SOX5: variants seen among roughly 807,000 people sequenced by gnomAD.
The protein encoded by SOX5 is transcription factor SOX-5.
In SOX5, 9 loss-of-function variants were observed where a neutral mutation model predicts 92.0. The observed-to-expected ratio is 0.10, with a 90% CI of 0.06 to 0.17. SOX5 has a LOEUF of 0.17. Among genes scored for constraint, SOX5 ranks in the 10% least tolerant of loss-of-function variants. The pLI is 1.00. For synonymous variants in SOX5, 344 were observed against 336.3 expected (o/e 1.02, Z -0.25); for missense variants, 642 against 944.5 (o/e 0.68, Z 4.20).
At chr12:23,860,952 TAAAAAAA>T (rs71059935) in intron 2 of SOX5, among the ~76,000 whole-genome samples, 33 of 45,948 alleles carry the variant, frequency 7.2e-4, no homozygotes, top group African/African-American at 2.2e-3. Context: ...GTATATTTTG[TAAAAAAA>T]AAAAAAAAAA....
At chr12:24,043,834 A>G (rs1271290536) in intron 4 of SOX5, among the ~76,000 whole-genome samples, 1 of 152,150 alleles carries the variant, frequency 6.6e-6, no homozygotes, top group Non-Finnish European at 1.5e-5. Context: ...TATAATTTTT[A>G]CTTTCTTGGG....
At chr12:24,106,200 A>C (rs111582371) in intron 4 of SOX5, among the ~76,000 whole-genome samples, 1,896 of 152,184 alleles carry the variant, frequency 0.012, 28 homozygotes, top group African/African-American at 0.042. Flanking sequence ...GAAAAAAAAA[A>C]AAAAATTAGC....
intron 6 of SOX5, among the ~76,000 whole-genome samples, chr12:23,667,251 T>C (rs2083965292): frequency 6.6e-6 from 1 of 152,200 alleles, no homozygotes; most frequent in Admixed American, 6.5e-5. Flanking sequence ...TAATTGGTTA[T>C]TATTTGTATA....
chr12:24,526,950 C>G (rs1191299638), intron 1 of SOX5, among the ~76,000 whole-genome samples: 2 of 152,014 alleles, frequency 1.3e-5, no homozygotes, highest in Non-Finnish European at 2.9e-5. Context: ...TCCCAAGTAG[C>G]TGGGCCTACA....
At chr12:24,184,467 G>A (rs1193597905) in intron 4 of SOX5, among the ~76,000 whole-genome samples, 1 of 152,118 alleles carries the variant, frequency 6.6e-6, no homozygotes, top group Non-Finnish European at 1.5e-5. Flanking sequence ...ATGATTTCAA[G>A]CAGTTCAGAT....
At chr12:23,584,599 ATAAC>A (rs1323150126) in intron 9 of SOX5, 1 of 1,607,580 alleles carries the variant, frequency 6.2e-7, no homozygotes, top group African/African-American at 1.3e-5. Flanking sequence ...TGAACCCACT[ATAAC>A]TGACTGTTTA....
intron 4 of SOX5, among the ~76,000 whole-genome samples, chr12:24,117,262 A>G (rs530580538): frequency 6.6e-6 from 1 of 152,326 alleles, no homozygotes; most frequent in Non-Finnish European, 1.5e-5. Context: ...CCATGTTGAG[A>G]TATCACCTCA....
In SOX5 at chr12:23,529,589, A is replaced by G. The variant is rs1253060633; in HGVS notation, c.*4630T>C. 6.6e-6 allele frequency: 1 copy of G among 152,176 alleles called. No individual in the cohort carries two copies. Among genetic ancestry groups the G allele is most frequent in the Non-Finnish European group, 1.5e-5 (1 of 68,022 alleles). The allele number at this position is 152,176 out of a possible 1,614,324, so 9.4% of individuals were successfully genotyped here. On this transcript the variant is annotated 3_prime_UTR_variant, in exon 15 of 15. Transcript: ENST00000451604. ...AATGCAAAAAAATAAAATAAAATAA[A>G]CAAAAAACAAAAACGAAAAACAGGT...
At chr12:23,911,103 A>G (rs1393687008) in intron 1 of SOX5, among the ~76,000 whole-genome samples, 3 of 152,084 alleles carry the variant, frequency 2.0e-5, no homozygotes, top group Non-Finnish European at 2.9e-5. Flanking sequence ...ATCATAGTAC[A>G]GAAGTGAAAT....
intron 7 of SOX5, among the ~76,000 whole-genome samples, chr12:23,644,011 T>C (rs1412891500): frequency 6.6e-6 from 1 of 152,214 alleles, no homozygotes; most frequent in African/African-American, 2.4e-5. Flanking sequence ...CTGGTATTTA[T>C]GTCCCATGTA....
chr12:24,064,618 T>G (rs1940337520), intron 4 of SOX5, among the ~76,000 whole-genome samples: 1 of 152,242 alleles, frequency 6.6e-6, no homozygotes, highest in Non-Finnish European at 1.5e-5. Context: ...ATGTTTGTTT[T>G]TTCAAAATGT....
intron 1 of SOX5, among the ~76,000 whole-genome samples, chr12:24,500,357 G>T (rs1277728887): frequency 1.3e-5 from 2 of 152,170 alleles, no homozygotes; most frequent in Admixed American, 1.3e-4. Context: ...ATGTGTGAGT[G>T]TGTGTGTCTC....
chr12:24,234,759 T>C (rs1964115255), intron 3 of SOX5, among the ~76,000 whole-genome samples: 1 of 152,214 alleles, frequency 6.6e-6, no homozygotes, highest in Non-Finnish European at 1.5e-5. Flanking sequence ...TTAATGTTTA[T>C]AGAGTTGTTA....
chr12:24,302,571 C>G (rs1410805364), intron 2 of SOX5, among the ~76,000 whole-genome samples: 1 of 151,070 alleles, frequency 6.6e-6, no homozygotes, highest in East Asian at 1.9e-4. Context: ...TTTTTTTTCC[C>G]TAAGCATTAC....
rs1337601318 is a variant in SOX5, at chr12:23,530,244, A to G, written c.*3975T>C. ...TGTAAATATACAGTTGTTTATTACA[A>G]TTCAACAATTTACCCATTAGAATGA... On this transcript the variant is annotated 3_prime_UTR_variant, in exon 15 of 15. Coordinates refer to ENST00000451604, the MANE Select transcript of SOX5 (RefSeq NM_006940.6). 1 of 152,230 alleles carries G rather than the reference A, an allele frequency of 6.6e-6. No individual in the cohort carries two copies. The highest frequency in any genetic ancestry group is 1.5e-5 in the Non-Finnish European group (1 of 68,038). The allele number at this position is 152,230 out of a possible 1,614,324, so 9.4% of individuals were successfully genotyped here.
At chr12:23,675,478 G>A (rs1243797449) in intron 6 of SOX5, among the ~76,000 whole-genome samples, 2 of 152,178 alleles carry the variant, frequency 1.3e-5, no homozygotes, top group East Asian at 1.9e-4. Flanking sequence ...AAATGGTGCT[G>A]GGAAAACTGG....
At chr12:24,270,579 G>A (rs1413292222) in intron 3 of SOX5, among the ~76,000 whole-genome samples, 2 of 152,086 alleles carry the variant, frequency 1.3e-5, no homozygotes, top group African/African-American at 4.8e-5. Context: ...TAGTAATAAA[G>A]CACATGCCCA....
At chr12:23,953,936 G>A (rs1357010955), upstream of SOX5, among the ~76,000 whole-genome samples, 2 of 151,914 alleles carry the variant, frequency 1.3e-5, no homozygotes, top group African/African-American at 4.8e-5. Flanking sequence ...TATAAAAAGG[G>A]GATTGACACA....
chr12:24,554,610 A>G (rs182370679), intron 1 of SOX5, among the ~76,000 whole-genome samples: 1 of 152,286 alleles, frequency 6.6e-6, no homozygotes, highest in Non-Finnish European at 1.5e-5. Context: ...ACAGTACAAC[A>G]CAGAGAACCA....
Sources: gnomAD v4.1 joint callset for allele counts (sites outside exome capture counted in the v4.1 genomes callset) on GRCh38, gnomAD v4.1.1 for gene constraint, MANE v1.5 for transcripts, NCBI Gene and HGNC (gene_info 2026-07-23, HGNC 2026-07-21) for gene names.